The following PPP6R3 variants were observed in gnomAD, a reference collection of about 807,000 sequenced individuals.
PPP6R3 encodes the protein protein phosphatase 6 regulatory subunit 3, also known as serine/threonine-protein phosphatase 6 regulatory subunit 3.
PPP6R3 carries 38 observed loss-of-function variants against 110.7 expected under a neutral mutation model. The observed-to-expected ratio is 0.34, with a 90% confidence interval of 0.26 to 0.45. The LOEUF is 0.45. Among genes scored for constraint, PPP6R3 ranks in the 20% least tolerant of loss-of-function variants. PPP6R3 has a pLI of 1.00. For synonymous variants in PPP6R3, 369 were observed against 373.5 expected, an observed-to-expected ratio of 0.99 and a Z score of 0.14; for missense variants, 870 against 1,062.4, an observed-to-expected ratio of 0.82 and a Z score of 2.52.
Position 68,480,566 on chromosome 11 carries a change from A to G in PPP6R3, c.-158+19739A>G, listed in dbSNP as rs181720328. On this transcript the variant is annotated intron_variant, in intron 1 of 23. Transcript: ENST00000393800. ...TTTGCATTTAAAGAGGTGCTTTAAT[A>G]TCGTGTCCAGGATTTTTACATATTC... 1.5e-3 allele frequency among the ~76,000 whole-genome samples: 232 copies of G among 152,348 alleles called. 1 individual carries two copies. Among genetic ancestry groups the G allele is most frequent in the Middle Eastern group, 6.8e-3 (2 of 294 alleles).
intron 1 of PPP6R3, among the ~76,000 whole-genome samples, chr11:68,504,302 C>T (rs1431266207): frequency 6.6e-6 from 1 of 151,730 alleles, no homozygotes; most frequent in Non-Finnish European, 1.5e-5. Context: ...GAGAAATATA[C>T]AGGTGGGTCT....
intron 16 of PPP6R3, among the ~76,000 whole-genome samples, chr11:68,588,910 A>C (rs1199818888): frequency 6.6e-6 from 1 of 152,074 alleles, no homozygotes; most frequent in Admixed American, 6.5e-5. Context: ...TATTATCTAT[A>C]AAGTCCTTAA....
chr11:68,462,797 ATTG>A (rs1332256802), intron 1 of PPP6R3, among the ~76,000 whole-genome samples: 3 of 151,986 alleles, frequency 2.0e-5, no homozygotes, highest in Non-Finnish European at 4.4e-5. Context: ...TTCCCCTGGT[ATTG>A]TTGTGTTTAC....
At chr11:68,499,792 C>CAA (rs1188983407) in intron 1 of PPP6R3, among the ~76,000 whole-genome samples, 2 of 152,038 alleles carry the variant, frequency 1.3e-5, no homozygotes, top group Non-Finnish European at 2.9e-5. Flanking sequence ...AGGCTGGTCT[C>CAA]AAACTCCTGG....
chr11:68,549,739 T>C (rs2099363410), intron 5 of PPP6R3, among the ~76,000 whole-genome samples: 1 of 152,168 alleles, frequency 6.6e-6, no homozygotes, highest in Non-Finnish European at 1.5e-5. Context: ...TGGGTTCAAG[T>C]TTAGGACCTG....
chr11:68,479,511 G>T (rs564417215), intron 1 of PPP6R3, among the ~76,000 whole-genome samples: 50 of 152,252 alleles, frequency 3.3e-4, no homozygotes, highest in African/African-American at 1.2e-3. Context: ...GTTCTGGCTC[G>T]ATGATTGTTT....
At chr11:68,470,938 T>C (rs2098786697) in intron 1 of PPP6R3, among the ~76,000 whole-genome samples, 1 of 152,024 alleles carries the variant, frequency 6.6e-6, no homozygotes, top group South Asian at 2.1e-4. Context: ...GGAGATATGC[T>C]GGATTGGGGT....
intron 13 of PPP6R3, among the ~76,000 whole-genome samples, chr11:68,574,928 C>G (rs1326262194): frequency 6.6e-6 from 1 of 152,200 alleles, no homozygotes; most frequent in Non-Finnish European, 1.5e-5. Flanking sequence ...CAGTTAAAAT[C>G]ATTTCCCAGT....
rs1163164438 is a variant in PPP6R3, at chr11:68,614,218, G to A, written c.*1101G>A. The A allele has an allele frequency of 1.3e-5, 13 of 988,418 alleles. No homozygotes were observed. Among genetic ancestry groups the A allele is most frequent in the Non-Finnish European group, 1.6e-5 (13 of 831,866 alleles). The allele number at this position is 988,418 out of a possible 1,614,324, so 61.2% of individuals were successfully genotyped here. On this transcript the variant is annotated 3_prime_UTR_variant, in exon 24 of 24. Transcript: ENST00000393800. The stretch of plus-strand genomic sequence containing the variant: ...GGTTTTCACTCATAAATTTAAACCA[G>A]TGTATTTTTTTAGAACTGGTTTGTG...
chr11:68,604,926 A>G (rs1198300000), intron 22 of PPP6R3, among the ~76,000 whole-genome samples: 1 of 152,224 alleles, frequency 6.6e-6, no homozygotes, highest in African/African-American at 2.4e-5. Context: ...AAATCCCAAT[A>G]GAGATTTTCA....
At chr11:68,483,410 C>T (rs947299442) in intron 1 of PPP6R3, among the ~76,000 whole-genome samples, 2 of 152,222 alleles carry the variant, frequency 1.3e-5, no homozygotes, top group Non-Finnish European at 2.9e-5. Context: ...TCTGTGATAA[C>T]ATCCCTCAGG....
intron 2 of PPP6R3, among the ~76,000 whole-genome samples, chr11:68,529,884 G>C (rs985979957): frequency 2.6e-5 from 4 of 152,162 alleles, no homozygotes; most frequent in Non-Finnish European, 5.9e-5. Context: ...AAGGAGATGG[G>C]GGCCATTTCA....
At chr11:68,580,531 C>T (rs1460259955) in intron 14 of PPP6R3, among the ~76,000 whole-genome samples, 6 of 151,832 alleles carry the variant, frequency 4.0e-5, no homozygotes, top group African/African-American at 1.5e-4. Flanking sequence ...GATTTTGGCT[C>T]CATTTTGAAG....
At chr11:68,464,996 C>G (rs181949400) in intron 1 of PPP6R3, among the ~76,000 whole-genome samples, 1 of 152,018 alleles carries the variant, frequency 6.6e-6, no homozygotes, top group Non-Finnish European at 1.5e-5. Flanking sequence ...ATTCTCCTGC[C>G]TTAGCCTCCT....
intron 1 of PPP6R3, among the ~76,000 whole-genome samples, chr11:68,469,099 A>G (rs2098770373): frequency 6.6e-6 from 1 of 152,244 alleles, no homozygotes; most frequent in Admixed American, 6.5e-5. Flanking sequence ...AGGACCAGTT[A>G]GTAAATATTT....
chr11:68,550,976 T>A, intron 5 of PPP6R3, 145 bp from the exon 6 acceptor site: 1 of 594,720 alleles, frequency 1.7e-6, no homozygotes, highest in South Asian at 2.6e-5. Context: ...TGGGGGACTT[T>A]TAATTTTCTG....
rs1591783862 is a variant in PPP6R3, at chr11:68,482,880, G to A, written c.-158+22053G>A. 5.3e-5 allele frequency among the ~76,000 whole-genome samples: 8 copies of A among 151,916 alleles called. 1 individual carries two copies. The South Asian group carries it at 1.5e-3, about 28-fold the overall frequency. On this transcript the variant is annotated intron_variant, in intron 1 of 23. Coordinates refer to ENST00000393800, the MANE Select transcript of PPP6R3 (RefSeq NM_001164161.2). ...TATAATAGCACCATACTATTGTGCC[G>A]TTCTTTTTTCATTCATCTCTTTTCA...
chr11:68,609,590 G>C, intron 22 of PPP6R3: 1 of 1,551,560 alleles, frequency 6.4e-7, no homozygotes, highest in Non-Finnish European at 8.7e-7. Flanking sequence ...TTCTTTTTCT[G>C]TTTTGCACAC....
At chr11:68,581,377 A>G (rs2099553882) in intron 14 of PPP6R3, among the ~76,000 whole-genome samples, 1 of 152,246 alleles carries the variant, frequency 6.6e-6, no homozygotes, top group Non-Finnish European at 1.5e-5. Context: ...ATTTTGTAGG[A>G]AAAAGCGAAA....
Sources: gnomAD v4.1 joint callset for allele counts (sites outside exome capture counted in the v4.1 genomes callset) on GRCh38, gnomAD v4.1.1 for gene constraint, MANE v1.5 for transcripts, NCBI Gene and HGNC (gene_info 2026-07-23, HGNC 2026-07-21) for gene names.